Variants in CPXM2 observed in about 807,000 individuals in gnomAD.
The protein encoded by CPXM2 is inactive carboxypeptidase-like protein X2.
A neutral mutation model predicts 86.1 loss-of-function variants in CPXM2; 66 were observed. The observed-to-expected ratio is 0.77, with a 90% CI of 0.63 to 0.94. The LOEUF is 0.94. Among genes scored for constraint, CPXM2 ranks in the 40% least tolerant of loss-of-function variants. CPXM2 has a pLI of 0.00. For missense variants in CPXM2, 948 were observed against 1,026.3 expected (o/e 0.92, Z 1.04); for synonymous variants, 388 against 400.2 (o/e 0.97, Z 0.36).
At chr10:123,857,094 T>A (rs1016558159) in intron 3 of CPXM2, among the ~76,000 whole-genome samples, 4 of 152,212 alleles carry the variant, frequency 2.6e-5, no homozygotes, top group African/African-American at 9.6e-5. Context: ...GAACTTTTGC[T>A]CTCCTGCTGA....
chr10:123,802,374 G>A (rs202051140), intron 4 of CPXM2, among the ~76,000 whole-genome samples: 1 of 152,136 alleles, frequency 6.6e-6, no homozygotes, highest in Non-Finnish European at 1.5e-5. Context: ...CGAAATAAGC[G>A]TGATCACAGA....
At chr10:123,873,265 T>C in intron 2 of CPXM2, among the ~76,000 whole-genome samples, 1 of 148,258 alleles carries the variant, frequency 6.7e-6, no homozygotes, top group African/African-American at 2.5e-5. Context: ...GAGTAGAAAA[T>C]TGAAATTAAA....
intron 4 of CPXM2, among the ~76,000 whole-genome samples, chr10:123,801,932 T>C (rs886125452): frequency 1.3e-5 from 2 of 152,202 alleles, no homozygotes; most frequent in Non-Finnish European, 2.9e-5. Context: ...CCAATTTCTT[T>C]CTTATATGCT....
intron 2 of CPXM2, among the ~76,000 whole-genome samples, chr10:123,864,463 C>A (rs1187838303): frequency 6.6e-6 from 1 of 152,196 alleles, no homozygotes; most frequent in Non-Finnish European, 1.5e-5. Flanking sequence ...TCAATACATA[C>A]CCACAACAGT....
rs1000689238 is a variant in CPXM2, at chr10:123,923,851, T to G, written n.174+15626A>C. On this transcript the variant is annotated intron_variant and non_coding_transcript_variant, in intron 2 of 19. Coordinates refer to the CPXM2 transcript ENST00000368854. ...CACACGCTCTCTCCTCTTGTCTGCC[T>G]CCATGTGAGACATGCCTTTCACCTT... Among the ~76,000 whole-genome samples, 4 of 152,284 alleles carry G rather than the reference T, an allele frequency of 2.6e-5. No individual in the cohort carries two copies. In the South Asian group the frequency reaches 6.2e-4, roughly 24 times the overall value.
chr10:123,847,934 C>G (rs371998880), intron 3 of CPXM2, among the ~76,000 whole-genome samples: 1 of 151,910 alleles, frequency 6.6e-6, no homozygotes, highest in Non-Finnish European at 1.5e-5. Context: ...ACAGAAACAT[C>G]TGGAAGCAAA....
intron 2 of CPXM2, among the ~76,000 whole-genome samples, chr10:123,870,552 T>C (rs1199823872): frequency 2.6e-5 from 4 of 152,226 alleles, no homozygotes; most frequent in Non-Finnish European, 1.5e-5. Flanking sequence ...TGAAGGCAGC[T>C]TCCCAGCACA....
chr10:123,847,061 C>T (rs1453726978), intron 3 of CPXM2, among the ~76,000 whole-genome samples: 1 of 151,964 alleles, frequency 6.6e-6, no homozygotes, highest in Non-Finnish European at 1.5e-5. Flanking sequence ...ATAATGAAAA[C>T]CTTAGATACA....
intron 6 of CPXM2, among the ~76,000 whole-genome samples, chr10:123,789,252 G>A (rs963186164): frequency 1.3e-5 from 2 of 152,208 alleles, no homozygotes; most frequent in African/African-American, 4.8e-5. Context: ...ATCACTGTCA[G>A]CAAGAACATC....
At chr10:123,778,035 C>T (rs1359506912) in intron 7 of CPXM2, among the ~76,000 whole-genome samples, 2 of 152,168 alleles carry the variant, frequency 1.3e-5, no homozygotes, top group Non-Finnish European at 2.9e-5. Flanking sequence ...GGACTTTCTC[C>T]TTCCTCTCCT....
intron 1 of CPXM2, among the ~76,000 whole-genome samples, chr10:123,890,851 A>C (rs1277236179): frequency 6.6e-6 from 1 of 152,046 alleles, no homozygotes; most frequent in Non-Finnish European, 1.5e-5. Context: ...CAGAGGACCC[A>C]AGAGACCCGC....
At position 123,762,154 on chromosome 10, in the gene CPXM2, T is replaced by G; in HGVS notation, c.1495A>C (p.Arg499=). 6.2e-7 allele frequency: 1 copy of G among 1,614,084 alleles called. No individual in the cohort carries two copies. Among genetic ancestry groups the G allele is most frequent in the East Asian group, 2.2e-5 (1 of 44,872 alleles). The change falls in exon 11 of 14, where the codon AGA becomes CGA. Residue 499 remains arginine (R), a synonymous_variant. Coordinates refer to ENST00000241305, the MANE Select transcript of CPXM2 (RefSeq NM_198148.3). ...TTTTCCATCCAGGCTATGACTGCTCTGGTCTCGGCAGCCACCTGTGAACAT... is the reference window on the plus strand; with the variant it reads ...TTTTCCATCCAGGCTATGACTGCTCGGGTCTCGGCAGCCACCTGTGAACAT... ...SENATVAAET[R]AVIAWMEKIP...
At chr10:123,834,251 G>A (rs956639474) in intron 4 of CPXM2, among the ~76,000 whole-genome samples, 3 of 152,164 alleles carry the variant, frequency 2.0e-5, no homozygotes, top group South Asian at 4.1e-4. Context: ...AAGAGCCCCC[G>A]CTATGCTAGG....
At chr10:123,930,879 G>A (rs889940397) in intron 2 of CPXM2, among the ~76,000 whole-genome samples, 2 of 152,198 alleles carry the variant, frequency 1.3e-5, no homozygotes, top group Non-Finnish European at 2.9e-5. Flanking sequence ...AGCCCGGGAG[G>A]TCTCCAGAGC....
chr10:123,835,504 G>A (rs1401254546), intron 4 of CPXM2, among the ~76,000 whole-genome samples: 1 of 152,152 alleles, frequency 6.6e-6, no homozygotes, highest in Non-Finnish European at 1.5e-5. Flanking sequence ...TGAACTTAGA[G>A]ATGTTTTCAT....
At chr10:123,929,478 C>A (rs780434784) in intron 2 of CPXM2, among the ~76,000 whole-genome samples, 22 of 152,180 alleles carry the variant, frequency 1.4e-4, no homozygotes, top group Non-Finnish European at 2.6e-4. Flanking sequence ...TGAGAAGAGA[C>A]CAGATAAACT....
intron 4 of CPXM2, among the ~76,000 whole-genome samples, chr10:123,837,056 G>C (rs1003558529): frequency 2.0e-5 from 3 of 152,256 alleles, no homozygotes; most frequent in African/African-American, 7.2e-5. Flanking sequence ...AGCAAAGAGA[G>C]AAATTCACCT....
chr10:123,886,619 C>T (rs928869865), intron 1 of CPXM2, among the ~76,000 whole-genome samples: 1 of 152,156 alleles, frequency 6.6e-6, no homozygotes, highest in African/African-American at 2.4e-5. Context: ...ATTCAAACAG[C>T]GGTGCATTCT....
At chr10:123,810,480 G>GT (rs1262672287) in intron 4 of CPXM2, among the ~76,000 whole-genome samples, 1 of 152,010 alleles carries the variant, frequency 6.6e-6, no homozygotes, top group Non-Finnish European at 1.5e-5. Context: ...ATCAAACTAT[G>GT]TAATTATCCA....
Sources: allele counts gnomAD v4.1 joint callset (sites outside exome capture counted in the v4.1 genomes callset), GRCh38; gene constraint gnomAD v4.1.1; transcripts MANE v1.5; gene names NCBI Gene and HGNC (gene_info 2026-07-23, HGNC 2026-07-21).